UBE2E2: variants seen among roughly 807,000 people sequenced by gnomAD.
UBE2E2 encodes the protein ubiquitin conjugating enzyme E2 E2.
Under a neutral mutation model 24.7 loss-of-function variants are expected in UBE2E2, and 6 were observed. The ratio of observed to expected loss-of-function variants is 0.24; its 90% CI spans 0.13 to 0.48. The LOEUF is 0.48. Ranked by LOEUF, UBE2E2 falls within the 20% of genes least tolerant of loss-of-function variation. UBE2E2 has a pLI of 0.99. For synonymous variants in UBE2E2, 104 were observed against 83.6 expected (o/e 1.24, Z -1.33); for missense variants, 169 against 245.0 (o/e 0.69, Z 2.07).
intron 3 of UBE2E2, among the ~76,000 whole-genome samples, chr3:23,466,678 C>G (rs532514618): frequency 1.3e-5 from 2 of 152,106 alleles, no homozygotes; most frequent in Admixed American, 1.3e-4. Context: ...AGCGATTCTC[C>G]TGCCTCAGCC....
intron 5 of UBE2E2, among the ~76,000 whole-genome samples, chr3:23,560,030 C>T (rs1206591734): frequency 2.0e-5 from 3 of 151,956 alleles, no homozygotes; most frequent in Non-Finnish European, 4.4e-5. Flanking sequence ...TAATATGGGG[C>T]TAGAAATATC....
At chr3:23,531,836 C>T (rs183717343) in intron 4 of UBE2E2, among the ~76,000 whole-genome samples, 130 of 152,044 alleles carry the variant, frequency 8.6e-4, no homozygotes, top group Admixed American at 1.8e-3. Flanking sequence ...CCAAGGCAGG[C>T]GGATGACTTG....
intron 5 of UBE2E2, among the ~76,000 whole-genome samples, chr3:23,580,244 G>A (rs890559048): frequency 6.6e-6 from 1 of 152,208 alleles, no homozygotes; most frequent in Non-Finnish European, 1.5e-5. Flanking sequence ...CTGTCAAACA[G>A]CAACATCACA....
chr3:23,272,111 T>C (rs1385817564), intron 3 of UBE2E2, among the ~76,000 whole-genome samples: 1 of 152,124 alleles, frequency 6.6e-6, no homozygotes, highest in Non-Finnish European at 1.5e-5. Context: ...CGGTCCATGC[T>C]GGAGCCCACC....
intron 3 of UBE2E2, among the ~76,000 whole-genome samples, chr3:23,316,939 C>T (rs1192502058): frequency 2.0e-5 from 3 of 152,120 alleles, no homozygotes; most frequent in Admixed American, 6.5e-5. Flanking sequence ...AGGACTCTCT[C>T]TGGTGCCCTA....
At chr3:23,325,008 C>A (rs994989681) in intron 3 of UBE2E2, among the ~76,000 whole-genome samples, 1 of 152,144 alleles carries the variant, frequency 6.6e-6, no homozygotes, top group Non-Finnish European at 1.5e-5. Context: ...CAATTGCTTT[C>A]TGCCGCCAAG....
At chr3:23,298,080 T>C (rs1201705108) in intron 3 of UBE2E2, among the ~76,000 whole-genome samples, 15 of 152,180 alleles carry the variant, frequency 9.9e-5, no homozygotes, top group Admixed American at 9.8e-4. Flanking sequence ...ATGATTTGGC[T>C]CTCTGTTTGT....
At chr3:23,413,922 T>G (rs1697558369) in intron 3 of UBE2E2, among the ~76,000 whole-genome samples, 1 of 152,238 alleles carries the variant, frequency 6.6e-6, no homozygotes, top group African/African-American at 2.4e-5. Flanking sequence ...CATATATTTA[T>G]CGTTATTACT....
At position 23,211,407 on chromosome 3, in the gene UBE2E2, C is replaced by CTTTT. The variant is rs3086984; in HGVS notation, c.176+2546_176+2549dup. ...CATTTAGTAGCTATAGCTCTGTGGT[C>CTTTT]TTTTTTTTTTTTTTTTTGAGGCAGA... On this transcript the variant is annotated intron_variant, in intron 2 of 5. Transcript: ENST00000396703. Among the ~76,000 whole-genome samples, 305 of 131,800 alleles carry CTTTT rather than the reference C, an allele frequency of 2.3e-3. 4 individuals are homozygous for CTTTT. Among genetic ancestry groups the CTTTT allele is most frequent in the East Asian group, 5.7e-3 (26 of 4,534 alleles). 86.5% of individuals were successfully genotyped at this position (131,800 alleles called of 152,430 possible). A position where few individuals can be genotyped will look rare whatever the true frequency, so the allele number is the denominator to read the frequency against.
intron 3 of UBE2E2, among the ~76,000 whole-genome samples, chr3:23,284,308 G>T (rs1698557993): frequency 6.6e-6 from 1 of 152,028 alleles, no homozygotes; most frequent in Non-Finnish European, 1.5e-5. Context: ...TAAATTATAT[G>T]TGATTTTTAA....
chr3:23,347,561 G>A (rs1695599241), intron 3 of UBE2E2, among the ~76,000 whole-genome samples: 1 of 152,076 alleles, frequency 6.6e-6, no homozygotes, highest in African/African-American at 2.4e-5. Flanking sequence ...TGTGGGGTGG[G>A]GGCCTGGGGG....
chr3:23,493,526 T>C (rs2125451157), intron 3 of UBE2E2, among the ~76,000 whole-genome samples: 1 of 152,342 alleles, frequency 6.6e-6, no homozygotes, highest in Admixed American at 6.5e-5. Flanking sequence ...GCTTTAGGTT[T>C]TTTTTCTTAT....
chr3:23,476,465 G>C (rs1373454216), intron 3 of UBE2E2, among the ~76,000 whole-genome samples: 6 of 152,090 alleles, frequency 3.9e-5, no homozygotes, highest in Non-Finnish European at 8.8e-5. Flanking sequence ...GAGACCAAGG[G>C]AGGAGGCTTG....
At chr3:23,502,234 C>T (rs80341155) in intron 4 of UBE2E2, among the ~76,000 whole-genome samples, 1 of 143,878 alleles carries the variant, frequency 7.0e-6, no homozygotes, top group Non-Finnish European at 1.5e-5. Context: ...CTCTTTTGCT[C>T]TTTTTTTTTT....
intron 3 of UBE2E2, among the ~76,000 whole-genome samples, chr3:23,427,960 G>A (rs1438933702): frequency 1.3e-5 from 2 of 152,316 alleles, no homozygotes; most frequent in South Asian, 4.1e-4. Context: ...AGATGATTTG[G>A]CTATTAAATA....
intron 3 of UBE2E2, among the ~76,000 whole-genome samples, chr3:23,496,819 A>G (rs1295328961): frequency 6.6e-6 from 1 of 152,116 alleles, no homozygotes; most frequent in Non-Finnish European, 1.5e-5. Flanking sequence ...TGTACAGTTG[A>G]CCCTTGAACA....
chr3:23,221,511 T>C (rs1007792061), intron 3 of UBE2E2, among the ~76,000 whole-genome samples: 1 of 152,228 alleles, frequency 6.6e-6, no homozygotes, highest in African/African-American at 2.4e-5. Context: ...TCTGTTTCTA[T>C]AGATTTGCCT....
chr3:23,385,607 T>C (rs570966463), intron 3 of UBE2E2, among the ~76,000 whole-genome samples: 2 of 152,350 alleles, frequency 1.3e-5, no homozygotes, highest in Admixed American at 6.5e-5. Flanking sequence ...AAATCAGATA[T>C]GATCTTTAGC....
At chr3:23,387,216 T>G (rs1371915838) in intron 3 of UBE2E2, among the ~76,000 whole-genome samples, 1 of 152,212 alleles carries the variant, frequency 6.6e-6, no homozygotes, top group Non-Finnish European at 1.5e-5. Flanking sequence ...GGTTATAGAT[T>G]TCTGTGGTTA....
Sources: gnomAD v4.1 joint callset for allele counts (sites outside exome capture counted in the v4.1 genomes callset) on GRCh38, gnomAD v4.1.1 for gene constraint, MANE v1.5 for transcripts, NCBI Gene and HGNC (gene_info 2026-07-23, HGNC 2026-07-21) for gene names.